Variants in ATXN1 observed in about 807,000 individuals in gnomAD.
The protein encoded by ATXN1 is ataxin 1, also known as ataxin-1.
ATXN1 carries 8 observed loss-of-function variants against 56.4 expected under a neutral mutation model. The ratio of observed to expected loss-of-function variants is 0.14; its 90% confidence interval spans 0.08 to 0.26. ATXN1 has a LOEUF of 0.26. Among genes scored for constraint, ATXN1 ranks in the 10% least tolerant of loss-of-function variants. ATXN1 has a pLI of 1.00. For missense variants in ATXN1, 987 were observed against 1,106.5 expected (o/e 0.89, Z 1.53); for synonymous variants, 514 against 494.6 (o/e 1.04, Z -0.52).
intron 7 of ATXN1, among the ~76,000 whole-genome samples, chr6:16,320,566 C>T (rs1228887969): frequency 6.6e-6 from 1 of 152,230 alleles, no homozygotes; most frequent in Non-Finnish European, 1.5e-5. Flanking sequence ...AAGGGTGAGA[C>T]AGAAGGATGG....
intron 7 of ATXN1, among the ~76,000 whole-genome samples, chr6:16,309,490 G>A (rs1181659012): frequency 6.6e-6 from 1 of 151,948 alleles, no homozygotes; most frequent in Non-Finnish European, 1.5e-5. Flanking sequence ...CATTGAGAGG[G>A]GCTAACAGAC....
rs189665312 is a variant in ATXN1 at position 16,652,010 on chromosome 6, T to C, written c.-489+5766A>G. The C allele has an allele frequency of 1.0e-3, 159 of 152,390 alleles. 1 individual carries two copies. Among genetic ancestry groups the C allele is most frequent in the African/African-American group, 3.7e-3 (152 of 41,584 alleles). 9.4% of individuals were successfully genotyped at this position (152,390 alleles called of 1,614,324 possible). A position where few individuals can be genotyped will look rare whatever the true frequency, so the allele number is the denominator to read the frequency against. ...CCATGTAAATCAGCATCTGTTTTGA[T>C]GATGCCTGTTAGAAGAAAGTACATT... On this transcript the variant is annotated intron_variant, in intron 3 of 7. Transcript: ENST00000436367.
chr6:16,454,754 G>C (rs1385502518), intron 6 of ATXN1, among the ~76,000 whole-genome samples: 2 of 152,174 alleles, frequency 1.3e-5, no homozygotes, highest in Admixed American at 1.3e-4. Context: ...ACAGCCATCA[G>C]AAACATTTTT....
intron 2 of ATXN1, among the ~76,000 whole-genome samples, chr6:16,667,722 A>T (rs1051321786): frequency 2.0e-5 from 3 of 152,204 alleles, no homozygotes; most frequent in African/African-American, 7.2e-5. Context: ...ATCCTTTTGA[A>T]GTGCTTTCTA....
intron 3 of ATXN1, among the ~76,000 whole-genome samples, chr6:16,593,266 A>T (rs1762756419): frequency 6.6e-6 from 1 of 152,156 alleles, no homozygotes; most frequent in Non-Finnish European, 1.5e-5. Context: ...TCCACCACTC[A>T]AGGAGCGACA....
chr6:16,487,568 C>A (rs1356360279), intron 5 of ATXN1, among the ~76,000 whole-genome samples: 2 of 152,176 alleles, frequency 1.3e-5, no homozygotes, highest in Non-Finnish European at 2.9e-5. Context: ...TTAATTAAAT[C>A]ATTCGCTTGA....
chr6:16,675,423 C>T (rs548010316), intron 2 of ATXN1, among the ~76,000 whole-genome samples: 5 of 152,284 alleles, frequency 3.3e-5, no homozygotes, highest in African/African-American at 9.6e-5. Context: ...ATTAGGGAAT[C>T]TTCTCCCTTT....
At chr6:16,690,518 G>A (rs185950516) in intron 2 of ATXN1, among the ~76,000 whole-genome samples, 1 of 152,258 alleles carries the variant, frequency 6.6e-6, no homozygotes, top group Non-Finnish European at 1.5e-5. Flanking sequence ...AGCAGAAGCA[G>A]TGTTAGAAGT....
At chr6:16,743,464 A>G (rs1224360331) in intron 2 of ATXN1, among the ~76,000 whole-genome samples, 1 of 152,124 alleles carries the variant, frequency 6.6e-6, no homozygotes, top group African/African-American at 2.4e-5. Context: ...AATTATACAC[A>G]CCACAATTAT....
At chr6:16,341,742 A>G (rs985211759) in intron 6 of ATXN1, among the ~76,000 whole-genome samples, 1 of 151,568 alleles carries the variant, frequency 6.6e-6, no homozygotes, top group Non-Finnish European at 1.5e-5. Context: ...GATGGTCTTG[A>G]TCTCCTGACC....
At chr6:16,471,191 A>AACAC (rs5874560) in intron 6 of ATXN1, among the ~76,000 whole-genome samples, 27,735 of 147,970 alleles carry the variant, frequency 0.19, 2,793 homozygotes, top group East Asian at 0.43. Context: ...TGGCAATTAA[A>AACAC]ACACACACAC....
chr6:16,711,033 C>T (rs1317812738), intron 2 of ATXN1, among the ~76,000 whole-genome samples: 1 of 152,196 alleles, frequency 6.6e-6, no homozygotes, highest in African/African-American at 2.4e-5. Context: ...CAGGCAAGAG[C>T]CATAGAGCCC....
Position 16,306,479 on chromosome 6 carries a change from G to C in ATXN1, c.2298C>G (p.Pro766=). The C allele has an allele frequency of 6.2e-7, 1 of 1,614,152 alleles. No homozygotes were observed. ...PFLTKIEPSK[P]AATRKRRWSA... ...ACCACCTCCTCTTCCTCGTTGCCGC[G>C]GGCTTGCTGGGTTCTATTTTGGTGA... Residue 766 remains proline (P), a synonymous_variant, in exon 8 of 8, where the codon CCC becomes CCG. Transcript: ENST00000436367. The surrounding 1 kb of genome is among the most constrained non-coding windows in gnomAD (Gnocchi z 5.2).
chr6:16,624,632 A>G (rs2113804312), intron 3 of ATXN1, among the ~76,000 whole-genome samples: 1 of 152,186 alleles, frequency 6.6e-6, no homozygotes, highest in South Asian at 2.1e-4. Flanking sequence ...CCATTTTTTT[A>G]TTTTTATAAG....
At chr6:16,376,189 G>C (rs1009605438) in intron 6 of ATXN1, among the ~76,000 whole-genome samples, 18 of 152,134 alleles carry the variant, frequency 1.2e-4, no homozygotes, top group Admixed American at 6.5e-5. Flanking sequence ...GGCAAGATAC[G>C]ATCAATTTTC....
intron 6 of ATXN1, among the ~76,000 whole-genome samples, chr6:16,382,337 C>T (rs1027773609): frequency 2.0e-5 from 3 of 151,360 alleles, no homozygotes; most frequent in Non-Finnish European, 2.9e-5. Flanking sequence ...GTGGTGTGCA[C>T]TTATAGTCCC....
intron 3 of ATXN1, among the ~76,000 whole-genome samples, chr6:16,641,946 T>C (rs973753050): frequency 6.6e-6 from 1 of 152,144 alleles, no homozygotes; most frequent in Non-Finnish European, 1.5e-5. Context: ...GTTTCAAGAC[T>C]TCGGTGGAGG....
chr6:16,399,175 C>T (rs1758516210), intron 6 of ATXN1, among the ~76,000 whole-genome samples: 1 of 152,120 alleles, frequency 6.6e-6, no homozygotes, highest in Admixed American at 6.5e-5. Context: ...TTTTGGAGGC[C>T]GTGTAACAAA....
chr6:16,565,222 T>C (rs148171610), intron 4 of ATXN1, among the ~76,000 whole-genome samples: 153 of 152,318 alleles, frequency 1.0e-3, no homozygotes, highest in African/African-American at 3.5e-3. Context: ...ATAAGGGGGC[T>C]ACTCTGGAGT....
Sources: allele counts gnomAD v4.1 joint callset (sites outside exome capture counted in the v4.1 genomes callset), GRCh38; gene constraint gnomAD v4.1.1; non-coding constraint Gnocchi (gnomAD v3.1); transcripts MANE v1.5; gene names NCBI Gene and HGNC (gene_info 2026-07-23, HGNC 2026-07-21).